Variants in MAPK7 observed in about 807,000 individuals in gnomAD.
MAPK7 encodes the protein mitogen-activated protein kinase 7.
Under a neutral mutation model 56.9 loss-of-function variants are expected in MAPK7, and 30 were observed. The ratio of observed to expected loss-of-function variants is 0.53; its 90% CI spans 0.39 to 0.72. The LOEUF (loss-of-function observed/expected upper bound fraction) is 0.72. MAPK7 is among the 30% of genes least tolerant of loss of function. The pLI, the probability that MAPK7 is intolerant of heterozygous loss-of-function variation, is 0.00. For synonymous variants in MAPK7, 516 were observed against 449.3 expected, an observed-to-expected ratio of 1.15 and a Z score of -1.88; for missense variants, 952 against 1,110.8, an observed-to-expected ratio of 0.86 and a Z score of 2.03.
At position 19,378,883 on chromosome 17, in the gene MAPK7, A is replaced by C. The variant is rs768177113; in HGVS notation, c.-5-13A>C. On this transcript the variant is annotated splice_polypyrimidine_tract_variant and intron_variant, in intron 1 of 6. Coordinates refer to ENST00000395604, the MANE Select transcript of MAPK7 (RefSeq NM_002749.4). The surrounding 1 kb of genome is among the most constrained non-coding windows in gnomAD (Gnocchi z 5.4). ...CGGTAGGTGGTCCTCTCCTCACCCG[A>C]GTCTCCACACAGACACCATGGCCGA... 9.0e-6 allele frequency: 14 copies of C among 1,547,926 alleles called. No individual in the cohort carries two copies. Among genetic ancestry groups the C allele is most frequent in the Non-Finnish European group, 1.2e-5 (14 of 1,143,372 alleles).
In MAPK7 at chr17:19,383,494, T is replaced by C. The variant is rs1912898257; in HGVS notation, c.*263T>C. The C allele has an allele frequency of 3.6e-6, 1 of 276,144 alleles. No homozygotes were observed. Among genetic ancestry groups the C allele is most frequent in the Non-Finnish European group, 6.6e-6 (1 of 150,462 alleles). 17.1% of individuals were successfully genotyped at this position (276,144 alleles called of 1,614,324 possible). On this transcript the variant is annotated 3_prime_UTR_variant, in exon 7 of 7. Coordinates refer to ENST00000395604, the MANE Select transcript of MAPK7 (RefSeq NM_002749.4). ...TATTATGTTATTATTACACTGTCTT[T>C]TTGCCATCAAAATGAGGCCTGTGAA...
chr17:19,378,214 C>T (rs995043978), upstream of MAPK7: 62 of 985,608 alleles, frequency 6.3e-5, no homozygotes, highest in Non-Finnish European at 7.0e-5. This position sits in a 1 kb window ranked among gnomAD's most constrained non-coding sequence, Gnocchi z 5.4. Flanking sequence ...GCGCTACGTG[C>T]AGGGGCGTTG....
chr17:19,383,406 T>C lies in MAPK7; in HGVS notation c.*175T>C, dbSNP rs1426275302. ...AGCCACCTGAGCCACCACCGAGCCA[T>C]GGCAGGATCGGGAGACCCCAACTCC... On this transcript the variant is annotated 3_prime_UTR_variant, in exon 7 of 7. Coordinates refer to ENST00000395604, the MANE Select transcript of MAPK7 (RefSeq NM_002749.4). 5 of 587,970 alleles carry C rather than the reference T, an allele frequency of 8.5e-6. No homozygotes were observed. The highest frequency in any genetic ancestry group is 2.6e-5 in the South Asian group (1 of 38,110). The allele number at this position is 587,970 out of a possible 1,614,324, so 36.4% of individuals were successfully genotyped here.
intron 5 of MAPK7, 27 bp from the exon 6 acceptor site, chr17:19,382,786 T>A (rs1377124216): frequency 1.2e-6 from 2 of 1,611,890 alleles, no homozygotes; most frequent in Admixed American, 1.7e-5. Flanking sequence ...TCAGTCTGTC[T>A]GCATTGTAAC....
At position 19,382,413 on chromosome 17, in the gene MAPK7, A is replaced by G. The variant is rs752895556; in HGVS notation, c.2110A>G (p.Met704Val). Residue 704 changes from methionine (M) to valine (V), a missense_variant, in exon 5 of 7, where the codon ATG becomes GTG. Met to Val is a conservative substitution (Grantham distance 21). Around this residue, in one of 5 missense-constraint regions of MAPK7, gnomAD observed 234 missense variants for 210.4 expected, o/e 1.11. Transcript: ENST00000395604. ...CGCCGGGGGAGCCCCTCAGTCTTCCATGTCAGAGTCACCTGATGTCAACCT... is the reference window on the plus strand; with the variant it reads ...CGCCGGGGGAGCCCCTCAGTCTTCCGTGTCAGAGTCACCTGATGTCAACCT... Reference protein sequence around the residue: ...PDAGGAPQSSMSESPDVNLVT... With the variant: ...PDAGGAPQSSVSESPDVNLVT... 6.8e-6 allele frequency: 11 copies of G among 1,611,820 alleles called. No individual in the cohort carries two copies. Among genetic ancestry groups the G allele is most frequent in the South Asian group, 1.1e-5 (1 of 90,800 alleles).
rs1323852729 is a variant in MAPK7, at chr17:19,380,295, C to T, written c.399-313C>T. On this transcript the variant is annotated intron_variant, in intron 3 of 6. Transcript: ENST00000395604. ...CTGGTCAATTTTCATCATAGTTCTT[C>T]AAGCTGCCACTACCAAACAATGGAG... 34 of 513,538 alleles carry T rather than the reference C, an allele frequency of 6.6e-5. No homozygotes were observed. The East Asian group carries it at 1.2e-3, about 18-fold the overall frequency. The allele number at this position is 513,538 out of a possible 1,614,324, so 31.8% of individuals were successfully genotyped here.
At chr17:19,382,775 C>G (rs1452467142) in intron 5 of MAPK7, 38 bp from the exon 6 acceptor site, 1 of 1,608,126 alleles carries the variant, frequency 6.2e-7, no homozygotes, top group Non-Finnish European at 8.5e-7. Flanking sequence ...GCCTACAGAC[C>G]TCAGTCTGTC....
chr17:19,380,595 C>G lies in MAPK7; in HGVS notation c.399-13C>G. The G allele has an allele frequency of 6.3e-7, 1 of 1,580,470 alleles. No homozygotes were observed. Among genetic ancestry groups the G allele is most frequent in the Non-Finnish European group, 8.6e-7 (1 of 1,158,852 alleles). On this transcript the variant is annotated splice_polypyrimidine_tract_variant and intron_variant, in intron 3 of 6. Transcript: ENST00000395604. ...AGGCCAACCCATGCTTCTCTCCTTCCTTCCCCTTCCAGCTACGTGGTCCTG... is the reference window on the plus strand; with the variant it reads ...AGGCCAACCCATGCTTCTCTCCTTCGTTCCCCTTCCAGCTACGTGGTCCTG...
chr17:19,383,528 T>G lies in MAPK7; in HGVS notation c.*297T>G. 1 of 211,300 alleles carries G rather than the reference T, an allele frequency of 4.7e-6. No homozygotes were observed. The highest frequency in any genetic ancestry group is 9.3e-6 in the Non-Finnish European group (1 of 107,742). The allele number at this position is 211,300 out of a possible 1,614,324, so 13.1% of individuals were successfully genotyped here. Reference sequence around the variant, plus strand: ...AAAATGAGGCCTGTGAAATACAAGGTTCCCTTCTGCACCTGACTCCAGGTG... The same window carrying G: ...AAAATGAGGCCTGTGAAATACAAGGGTCCCTTCTGCACCTGACTCCAGGTG... On this transcript the variant is annotated 3_prime_UTR_variant, in exon 7 of 7. Transcript: ENST00000395604.
In MAPK7 at chr17:19,382,007, G is replaced by T. The variant is rs763230289; in HGVS notation, c.1704G>T (p.Leu568=). The change falls in exon 5 of 7, where the codon CTG becomes CTT. Residue 568 remains leucine, a synonymous_variant. Coordinates refer to ENST00000395604, the MANE Select transcript of MAPK7 (RefSeq NM_002749.4). ...GLVLSDNDRS[L]LERWTRMARP... ...TGCTCAGTGACAATGACAGAAGCCT[G>T]TTGGAACGCTGGACTCGAATGGCCC... 1.9e-6 allele frequency: 3 copies of T among 1,554,368 alleles called. No homozygotes were observed. The highest frequency in any genetic ancestry group is 2.6e-6 in the Non-Finnish European group (3 of 1,148,796).
At position 19,382,590 on chromosome 17, in the gene MAPK7, C is replaced by A. The variant is rs1398405051; in HGVS notation, c.2163+124C>A. 3 of 1,491,202 alleles carry A rather than the reference C, an allele frequency of 2.0e-6. No homozygotes were observed. In the African/African-American group the frequency reaches 4.2e-5, roughly 21 times the overall value. 92.4% of individuals were successfully genotyped at this position (1,491,202 alleles called of 1,614,324 possible). A position where few individuals can be genotyped will look rare whatever the true frequency, so the allele number is the denominator to read the frequency against. On this transcript the variant is annotated intron_variant, in intron 5 of 6. Transcript: ENST00000395604. ...GGGGCTTTATCTCTGAACGTGTCCT[C>A]TTGCTCACAGAAGGAGCATAATGGC...
Position 19,381,003 on chromosome 17 carries a change from A to G in MAPK7, c.794A>G (p.Lys265Arg). 1.2e-6 allele frequency: 2 copies of G among 1,614,142 alleles called. No homozygotes were observed. Among genetic ancestry groups the G allele is most frequent in the Non-Finnish European group, 1.7e-6 (2 of 1,180,034 alleles). Reference protein sequence around the residue: ...MLARRQLFPGKNYVHQLQLIM... With the variant: ...MLARRQLFPGRNYVHQLQLIM... Reference sequence around the variant, plus strand: ...GCCCGGCGCCAGCTCTTCCCAGGCAAAAACTATGTACACCAGCTACAGCTC... The same window carrying G: ...GCCCGGCGCCAGCTCTTCCCAGGCAGAAACTATGTACACCAGCTACAGCTC... Residue 265 changes from lysine (K) to arginine (R), a missense_variant, in exon 4 of 7, where the codon AAA becomes AGA. Lys to Arg is a conservative substitution (Grantham distance 26). Around this residue, in one of 5 missense-constraint regions of MAPK7, gnomAD observed 429 missense variants for 533.0 expected, o/e 0.80. Coordinates refer to ENST00000395604, the MANE Select transcript of MAPK7 (RefSeq NM_002749.4). The surrounding 1 kb of genome is among the most constrained non-coding windows in gnomAD (Gnocchi z 4.6).
Position 19,380,342 on chromosome 17 carries a change from T to TTG in MAPK7, c.399-265_399-264dup, listed in dbSNP as rs1306015691. 37 of 770,918 alleles carry TTG rather than the reference T, an allele frequency of 4.8e-5. No homozygotes were observed. The African/African-American group carries it at 6.3e-4, about 13-fold the overall frequency. The allele number at this position is 770,918 out of a possible 1,614,324, so 47.8% of individuals were successfully genotyped here. On this transcript the variant is annotated intron_variant, in intron 3 of 6. Coordinates refer to ENST00000395604, the MANE Select transcript of MAPK7 (RefSeq NM_002749.4). ...GGAGATAGCCCCAAAAGGAAACCTATTGGCCAGCCCTGGTGTAGTCCAACC... is the reference window on the plus strand; with the variant it reads ...GGAGATAGCCCCAAAAGGAAACCTATTGTGGCCAGCCCTGGTGTAGTCCAACC...
chr17:19,383,252 C>T lies in MAPK7; in HGVS notation c.*21C>T. On this transcript the variant is annotated 3_prime_UTR_variant, in exon 7 of 7. Transcript: ENST00000395604. ...CCTGAGGCCCCCAGCCTGTGCCTTG[C>T]TGCCACAGTAGACCTAGTTCCAGGA... The T allele has an allele frequency of 6.2e-7, 1 of 1,612,468 alleles. No homozygotes were observed.
chr17:19,378,274 G>A (rs533573961), upstream of MAPK7: 1 of 985,940 alleles, frequency 1.0e-6, no homozygotes, highest in South Asian at 4.6e-5. This position sits in a 1 kb window ranked among gnomAD's most constrained non-coding sequence, Gnocchi z 5.4. Flanking sequence ...GTTTGAAGGC[G>A]GTGCAGGGCG....
intron 6 of MAPK7, 29 bp from the exon 7 acceptor site, chr17:19,383,049 T>C (rs780735339): frequency 6.8e-6 from 11 of 1,613,212 alleles, no homozygotes; most frequent in Non-Finnish European, 7.6e-6. Context: ...CCTAGGCTAA[T>C]AGCACCCCTC....
At chr17:19,377,869 G>A (rs1165244412), upstream of MAPK7, 5 of 985,330 alleles carry the variant, frequency 5.1e-6, no homozygotes, top group Admixed American at 6.1e-5. Context: ...CTAGAAGCCA[G>A]GAAACCGCGA....
chr17:19,380,639 C>G lies in MAPK7; in HGVS notation c.430C>G (p.Leu144Val). Residue 144 changes from leucine to valine, a missense_variant, in exon 4 of 7, where the codon CTG (leucine) becomes GTG (valine). By Grantham distance (32) the Leu-to-Val change is conservative. Transcript: ENST00000395604. ...YVVLDLMESD[L>V]HQIIHSSQPL... ...GGTCCTGGACCTGATGGAAAGCGAC[C>G]TGCACCAGATCATCCACTCCTCACA... 2 of 1,608,800 alleles carry G rather than the reference C, an allele frequency of 1.2e-6. No individual in the cohort carries two copies. The highest frequency in any genetic ancestry group is 1.7e-6 in the Non-Finnish European group (2 of 1,175,878).
In MAPK7 at chr17:19,383,092, C is replaced by G. The variant is rs772298224; in HGVS notation, c.2312C>G (p.Ala771Gly). 1 of 1,614,110 alleles carries G rather than the reference C, an allele frequency of 6.2e-7. No homozygotes were observed. The highest frequency in any genetic ancestry group is 8.5e-7 in the Non-Finnish European group (1 of 1,179,988). Residue 771 changes from alanine to glycine, a missense_variant, in exon 7 of 7, where the codon GCC (alanine) becomes GGC (glycine). By Grantham distance (60) the Ala-to-Gly change is moderately conservative. Around this residue, in one of 5 missense-constraint regions of MAPK7, gnomAD observed 73 missense variants for 104.6 expected, o/e 0.70. Coordinates refer to ENST00000395604, the MANE Select transcript of MAPK7 (RefSeq NM_002749.4). ...DGPQDGQADS[A>G]SLSASLLADW... Reference sequence around the variant, plus strand: ...TTCCCCTGCAGCCAGGCAGATTCAGCCTCTCTCTCAGCCTCCCTGCTTGCT... The same window carrying G: ...TTCCCCTGCAGCCAGGCAGATTCAGGCTCTCTCTCAGCCTCCCTGCTTGCT...
Sources: gnomAD v4.1 joint callset for allele counts on GRCh38, gnomAD v4.1.1 for gene constraint, gnomAD v4.1.1 regional missense constraint, Gnocchi (gnomAD v3.1) non-coding constraint, MANE v1.5 for transcripts, NCBI Gene and HGNC (gene_info 2026-07-23, HGNC 2026-07-21) for gene names.